Variants in POLR1A observed in about 807,000 individuals in gnomAD.
The protein encoded by POLR1A is RNA polymerase I subunit A.
Under a neutral mutation model 205.3 loss-of-function variants are expected in POLR1A, and 84 were observed. The observed-to-expected ratio is 0.41, with a 90% CI of 0.34 to 0.49. POLR1A has a LOEUF of 0.49. Ranked by LOEUF, POLR1A falls within the 20% of genes least tolerant of loss-of-function variation. The pLI is 0.22. For synonymous variants in POLR1A, 799 were observed against 863.7 expected, an observed-to-expected ratio of 0.93 and a Z score of 1.31; for missense variants, 1,645 against 2,204.5, an observed-to-expected ratio of 0.75 and a Z score of 5.08.
intron 14 of POLR1A, among the ~76,000 whole-genome samples, chr2:86,057,378 A>G (rs2104402658): frequency 6.6e-6 from 1 of 152,366 alleles, no homozygotes; most frequent in South Asian, 2.1e-4. Context: ...TAAATAACAC[A>G]CCTGATTTGA....
chr2:86,081,368 C>T (rs1333092070), intron 8 of POLR1A, among the ~76,000 whole-genome samples: 1 of 152,100 alleles, frequency 6.6e-6, no homozygotes, highest in Non-Finnish European at 1.5e-5. Context: ...TGCACTCCAG[C>T]CTGGGAGACA....
intron 31 of POLR1A, among the ~76,000 whole-genome samples, chr2:86,029,896 G>A (rs760365949): frequency 1.9e-4 from 29 of 152,064 alleles, no homozygotes; most frequent in Non-Finnish European, 3.5e-4. Context: ...CACCACGCCC[G>A]GCCCGAGGGT....
At position 86,022,515 on chromosome 2, in the gene POLR1A, T is replaced by TA. The variant is rs1333334033; in HGVS notation, c.*4907dup. ...CGTGGCTCTCAATTCCGCTGCACCT[T>TA]AGACTCTCTTGAAGATTTTCTAATG... is the stretch of plus-strand genomic sequence containing the variant. On this transcript the variant is annotated 3_prime_UTR_variant, in exon 34 of 34. Transcript: ENST00000263857. 1 of 152,216 alleles carries TA rather than the reference T, an allele frequency of 6.6e-6. No individual in the cohort carries two copies. Among genetic ancestry groups the TA allele is most frequent in the Non-Finnish European group, 1.5e-5 (1 of 68,040 alleles). The allele number at this position is 152,216 out of a possible 1,614,324, so 9.4% of individuals were successfully genotyped here. A position where few individuals can be genotyped will look rare whatever the true frequency, so the allele number is the denominator to read the frequency against.
At chr2:86,082,654 C>T (rs929210534) in intron 7 of POLR1A, among the ~76,000 whole-genome samples, 8 of 151,820 alleles carry the variant, frequency 5.3e-5, no homozygotes, top group Admixed American at 2.0e-4. Context: ...GAATATACTG[C>T]GTAGGTTTTG....
intron 13 of POLR1A, among the ~76,000 whole-genome samples, chr2:86,069,323 A>G (rs1673135482): frequency 6.6e-6 from 1 of 152,206 alleles, no homozygotes; most frequent in African/African-American, 2.4e-5. Flanking sequence ...TGAAGGAGGC[A>G]CTGGAACACA....
chr2:86,088,677 G>A lies in POLR1A; in HGVS notation c.627-8C>T. 6.2e-7 allele frequency: 1 copy of A among 1,611,370 alleles called. No individual in the cohort carries two copies. Among genetic ancestry groups the A allele is most frequent in the Non-Finnish European group, 8.5e-7 (1 of 1,177,434 alleles). ...ACAACGGATCGCCCGGTCCTGTGCA[G>A]GAGGACAGTTGTGATTGAAGAGAGA... On this transcript the variant is annotated splice_polypyrimidine_tract_variant and splice_region_variant and intron_variant, in intron 5 of 33. Transcript: ENST00000263857.
chr2:86,085,925 A>G (rs1176784299), intron 6 of POLR1A, among the ~76,000 whole-genome samples: 1 of 152,182 alleles, frequency 6.6e-6, no homozygotes, highest in Non-Finnish European at 1.5e-5. Context: ...TTAAATGTTA[A>G]TGTGCCTTGT....
intron 27 of POLR1A, among the ~76,000 whole-genome samples, chr2:86,034,623 A>G (rs1003638462): frequency 3.3e-5 from 5 of 152,172 alleles, no homozygotes; most frequent in Middle Eastern, 6.8e-3. Context: ...ATAGCACACC[A>G]AAAAGGGCTG....
chr2:86,045,501 G>A (rs925376867), intron 20 of POLR1A, 116 bp downstream of exon 20: 20 of 1,312,612 alleles, frequency 1.5e-5, no homozygotes, highest in Non-Finnish European at 2.2e-5. Flanking sequence ...TTTTGACCTC[G>A]ACAGCTACAA....
chr2:86,084,261 G>A (rs554306206), intron 6 of POLR1A, among the ~76,000 whole-genome samples: 7 of 152,058 alleles, frequency 4.6e-5, no homozygotes, highest in Middle Eastern at 3.4e-3. Flanking sequence ...GCGAGACTCC[G>A]TCTCAGAAAA....
intron 12 of POLR1A, among the ~76,000 whole-genome samples, chr2:86,074,770 G>A (rs1186526552): frequency 2.6e-5 from 4 of 152,174 alleles, no homozygotes; most frequent in African/African-American, 9.7e-5. Flanking sequence ...GAGGTGGGGG[G>A]ATGTGCATTG....
intron 9 of POLR1A, 131 bp from the exon 10 acceptor site, chr2:86,078,415 A>C: frequency 1.6e-6 from 1 of 635,482 alleles, no homozygotes; most frequent in Non-Finnish European, 2.7e-6. Flanking sequence ...TGAACCTGAC[A>C]GATCAGAGAC....
At chr2:86,077,801 A>ACGCG (rs200731536) in intron 11 of POLR1A, 58 bp downstream of exon 11, 1 of 1,034,640 alleles carries the variant, frequency 9.7e-7, no homozygotes, top group African/African-American at 2.7e-5. Context: ...TGAGCCCTGC[A>ACGCG]CGCGCGCGCG....
In POLR1A at chr2:86,022,689, C is replaced by T. The variant is rs1405757061; in HGVS notation, c.*4734G>A. The T allele has an allele frequency of 6.6e-6, 1 of 152,108 alleles. No individual in the cohort carries two copies. The highest frequency in any genetic ancestry group is 1.5e-5 in the Non-Finnish European group (1 of 68,026). 9.4% of individuals were successfully genotyped at this position (152,108 alleles called of 1,614,324 possible). ...TTGCAGCCTTGAACTCCTGGGCTCA[C>T]TTGCTCCTCTCACCTCAGCCTCTTG... On this transcript the variant is annotated 3_prime_UTR_variant, in exon 34 of 34. Coordinates refer to ENST00000263857, the MANE Select transcript of POLR1A (RefSeq NM_015425.6).
chr2:86,029,692 G>T (rs1181254009), intron 31 of POLR1A, among the ~76,000 whole-genome samples: 1 of 151,634 alleles, frequency 6.6e-6, no homozygotes, highest in East Asian at 1.9e-4. Flanking sequence ...CGCCTCCTGG[G>T]TTATCGCCAT....
chr2:86,099,865 G>A (rs899677882), intron 2 of POLR1A, 103 bp downstream of exon 2: 16 of 865,020 alleles, frequency 1.8e-5, no homozygotes, highest in Admixed American at 1.7e-4. Context: ...TTTCATTGGA[G>A]TGCCTGGGGC....
At position 86,025,906 on chromosome 2, in the gene POLR1A, T is replaced by A. The variant is rs141449236; in HGVS notation, c.*1517A>T. The A allele has an allele frequency of 6.9e-3, 1,044 of 152,270 alleles. 5 individuals carry two copies. The highest frequency in any genetic ancestry group is 0.013 in the Non-Finnish European group (869 of 68,052). The allele number at this position is 152,270 out of a possible 1,614,324, so 9.4% of individuals were successfully genotyped here. A position where few individuals can be genotyped will look rare whatever the true frequency, so the allele number is the denominator to read the frequency against. ...GAACCTGGCAGACCCCGTTAGGAGG[T>A]ACTGATTTCTGTCAGGCTTTCCCCA... is the stretch of plus-strand genomic sequence containing the variant. On this transcript the variant is annotated 3_prime_UTR_variant, in exon 34 of 34. Transcript: ENST00000263857.
chr2:86,060,883 A>G (rs1387268135), intron 14 of POLR1A, among the ~76,000 whole-genome samples: 2 of 152,232 alleles, frequency 1.3e-5, no homozygotes, highest in Non-Finnish European at 1.5e-5. Flanking sequence ...CTAGCCACCA[A>G]GTAGAAGGTA....
chr2:86,072,530 G>A lies in POLR1A; in HGVS notation c.1612-2258C>T, dbSNP rs185242452. Among the ~76,000 whole-genome samples, 234 of 152,372 alleles carry A rather than the reference G, an allele frequency of 1.5e-3. 2 individuals carry two copies. The highest frequency in any genetic ancestry group is 5.4e-3 in the African/African-American group (226 of 41,584). On this transcript the variant is annotated intron_variant, in intron 12 of 33. Transcript: ENST00000263857. ...GGCCAATCCAAACAGAAGCCCTGGA[G>A]CACAGGGTATTCCCCTTGCCAACCC...
Sources: gnomAD v4.1 joint callset for allele counts (sites outside exome capture counted in the v4.1 genomes callset) on GRCh38, gnomAD v4.1.1 for gene constraint, MANE v1.5 for transcripts, NCBI Gene and HGNC (gene_info 2026-07-23, HGNC 2026-07-21) for gene names.